The following SATB2 variants were observed in gnomAD, a reference collection of about 807,000 sequenced individuals.
SATB2 encodes DNA-binding protein SATB2.
Under a neutral mutation model 73.4 loss-of-function variants are expected in SATB2, and 1 was observed. That is an observed-to-expected ratio of 0.01 (90% CI 0.00 to 0.06). The LOEUF is 0.06. SATB2 is among the 10% of genes least tolerant of loss of function. The pLI is 1.00. For synonymous variants in SATB2, 397 were observed against 367.0 expected (o/e 1.08, Z -0.93); for missense variants, 459 against 945.8 (o/e 0.49, Z 6.75).
Position 199,463,597 on chromosome 2 carries a change from C to T in SATB2, c.-141+1239G>A, listed in dbSNP as rs1347439110. 1.3e-5 allele frequency among the ~76,000 whole-genome samples: 2 copies of T among 152,194 alleles called. No individual in the cohort carries two copies. The highest frequency in any genetic ancestry group is 4.8e-5 in the African/African-American group (2 of 41,460). On this transcript the variant is annotated intron_variant, in intron 1 of 11. Coordinates refer to the SATB2 transcript ENST00000260926. This position sits in a 1 kb window ranked among gnomAD's most constrained non-coding sequence, Gnocchi z 6.4. Reference sequence around the variant, plus strand: ...CCGCGTGGGCTGAGGCCGAAACCTTCGGCGCCGGCTCTGCCGGTCGCGTCC... The same window carrying T: ...CCGCGTGGGCTGAGGCCGAAACCTTTGGCGCCGGCTCTGCCGGTCGCGTCC...
At position 199,457,092 on chromosome 2, in the gene SATB2, G is replaced by A. The variant is rs1025261781; in HGVS notation, c.-60+247C>T. Among the ~76,000 whole-genome samples the A allele has an allele frequency of 9.9e-5, 15 of 152,224 alleles. No homozygotes were observed. The highest frequency in any genetic ancestry group is 3.6e-4 in the African/African-American group (15 of 41,472). ...TGCGTGCGCGCTGGGAATCCTCGTG[G>A]GCGCTCTGGCCGCGCGAGCAGTGTC... On this transcript the variant is annotated intron_variant, in intron 1 of 10. Transcript: ENST00000417098. The surrounding 1 kb of genome is among the most constrained non-coding windows in gnomAD (Gnocchi z 4.8).
chr2:199,353,707 A>C (rs1688889617), intron 6 of SATB2, among the ~76,000 whole-genome samples: 2 of 145,108 alleles, frequency 1.4e-5, no homozygotes, highest in African/African-American at 5.1e-5. Context: ...TCTTCCCTTT[A>C]CTCCCTCCTT....
intron 6 of SATB2, among the ~76,000 whole-genome samples, chr2:199,365,586 A>T (rs976302949): frequency 6.6e-6 from 1 of 152,326 alleles, no homozygotes; most frequent in South Asian, 2.1e-4. Flanking sequence ...AAACCAATTT[A>T]GGACTTTCTA....
At chr2:199,394,945 A>T (rs1466495064) in intron 3 of SATB2, among the ~76,000 whole-genome samples, 1 of 152,074 alleles carries the variant, frequency 6.6e-6, no homozygotes, top group East Asian at 1.9e-4. Flanking sequence ...TTAAATGAGA[A>T]AAAAAAAGAT....
intron 2 of SATB2, among the ~76,000 whole-genome samples, chr2:199,438,712 C>T (rs759298336): frequency 2.6e-5 from 4 of 152,212 alleles, no homozygotes; most frequent in Admixed American, 1.3e-4. Flanking sequence ...AATGGGCTTG[C>T]GCCAAAGTTG....
intron 3 of SATB2, among the ~76,000 whole-genome samples, chr2:199,395,455 TTTC>T (rs1690270634): frequency 6.6e-6 from 1 of 152,170 alleles, no homozygotes; most frequent in African/African-American, 2.4e-5. Context: ...CCCATGAACA[TTTC>T]TTTATCAGTT....
chr2:199,304,430 A>T (rs72929442), intron 10 of SATB2, among the ~76,000 whole-genome samples: 138 of 152,284 alleles, frequency 9.1e-4, no homozygotes, highest in Non-Finnish European at 1.6e-3. Flanking sequence ...CAGACTAGAA[A>T]CATTATGTAG....
chr2:199,363,702 T>C (rs73067532), intron 6 of SATB2, among the ~76,000 whole-genome samples: 2,724 of 152,320 alleles, frequency 0.018, 84 homozygotes, highest in African/African-American at 0.061. Context: ...CTTGATTTAA[T>C]CATTTCACGT....
intron 3 of SATB2, among the ~76,000 whole-genome samples, chr2:199,405,398 G>C (rs1310832890): frequency 6.6e-6 from 1 of 152,068 alleles, no homozygotes; most frequent in African/African-American, 2.4e-5. Flanking sequence ...GAAGATTCTG[G>C]GATCTACCAC....
intron 9 of SATB2, among the ~76,000 whole-genome samples, chr2:199,311,592 T>C (rs1687596598): frequency 1.3e-5 from 2 of 152,154 alleles, no homozygotes; most frequent in Non-Finnish European, 2.9e-5. Context: ...AAGGCCGTTA[T>C]TCCCTCCTAC....
chr2:199,407,860 A>G (rs1037804948), intron 3 of SATB2, among the ~76,000 whole-genome samples: 5 of 152,210 alleles, frequency 3.3e-5, no homozygotes, highest in Admixed American at 3.3e-4. Context: ...GATGGTAAAA[A>G]TAAATAAATA....
chr2:199,399,267 G>A (rs1690396729), intron 3 of SATB2, among the ~76,000 whole-genome samples: 1 of 152,116 alleles, frequency 6.6e-6, no homozygotes, highest in African/African-American at 2.4e-5. Context: ...GCCAGACCTT[G>A]TCTCAGAAAA....
At position 199,281,295 on chromosome 2, in the gene SATB2, T is replaced by C. The variant is rs939354504; in HGVS notation, c.1741-8623A>G. Among the ~76,000 whole-genome samples the C allele has an allele frequency of 4.0e-5, 6 of 151,488 alleles. No homozygotes were observed. The South Asian group carries it at 6.3e-4, about 16-fold the overall frequency. ...GTGTGTGTGTGTGTGTATATATACATATATATGAGAAATCATTAAGGAGGT... is the reference window on the plus strand; with the variant it reads ...GTGTGTGTGTGTGTGTATATATACACATATATGAGAAATCATTAAGGAGGT... On this transcript the variant is annotated intron_variant, in intron 10 of 10. Transcript: ENST00000417098.
chr2:199,395,954 A>G (rs1690288448), intron 3 of SATB2: 1 of 152,214 alleles, frequency 6.6e-6, no homozygotes, highest in South Asian at 2.1e-4. Context: ...GTCCATGATG[A>G]TGCAGAATGT....
At chr2:199,425,891 A>C (rs1266516324) in intron 3 of SATB2, among the ~76,000 whole-genome samples, 1 of 152,184 alleles carries the variant, frequency 6.6e-6, no homozygotes. Context: ...GCACACACAC[A>C]TATGTATGAA....
chr2:199,433,381 G>A lies in SATB2; in HGVS notation c.303C>T (p.Leu101=). 1.2e-6 allele frequency: 2 copies of A among 1,614,178 alleles called. No homozygotes were observed. The highest frequency in any genetic ancestry group is 1.7e-6 in the Non-Finnish European group (2 of 1,180,022). Residue 101 remains leucine (L), a synonymous_variant, in exon 3 of 11, where the codon CTC becomes CTT. Coordinates refer to ENST00000417098, the MANE Select transcript of SATB2 (RefSeq NM_001172509.2). The part of the protein sequence containing the change: ...VLFSQLVETA[L]LALGYSHSSA... ...AGCTGTGAGAATACCCCAGGGCCAG[G>A]AGCGCAGTCTCCACCAGCTGGCTAA...
intron 10 of SATB2, among the ~76,000 whole-genome samples, chr2:199,289,344 G>T (rs1283680182): frequency 6.6e-6 from 1 of 152,110 alleles, no homozygotes; most frequent in Non-Finnish European, 1.5e-5. Context: ...TCCAAGGATG[G>T]TCACTGGGAA....
At chr2:199,305,480 T>C (rs1687406844) in intron 10 of SATB2, among the ~76,000 whole-genome samples, 3 of 152,144 alleles carry the variant, frequency 2.0e-5, no homozygotes. Flanking sequence ...AACCTGTACA[T>C]GTACCCCTGA....
At chr2:199,391,680 A>C (rs1690146428) in intron 3 of SATB2, among the ~76,000 whole-genome samples, 1 of 152,292 alleles carries the variant, frequency 6.6e-6, no homozygotes, top group African/African-American at 2.4e-5. Context: ...GCCAAAAAAG[A>C]AGCCAAGAGT....
Sources: allele counts gnomAD v4.1 joint callset (sites outside exome capture counted in the v4.1 genomes callset), GRCh38; gene constraint gnomAD v4.1.1; non-coding constraint Gnocchi (gnomAD v3.1); transcripts MANE v1.5; gene names NCBI Gene and HGNC (gene_info 2026-07-23, HGNC 2026-07-21).